Variants in TMEM181 observed in about 807,000 individuals in gnomAD.
The protein encoded by TMEM181 is transmembrane protein 181, also known as G protein-coupled receptor 178.
A neutral mutation model predicts 71.9 loss-of-function variants in TMEM181; 39 were observed. The ratio of observed to expected loss-of-function variants is 0.54; its 90% CI spans 0.42 to 0.71. TMEM181 has a LOEUF of 0.71. Ranked by LOEUF, TMEM181 falls within the 30% of genes least tolerant of loss-of-function variation. The pLI is 0.00. For missense variants in TMEM181, 595 were observed against 583.0 expected, an observed-to-expected ratio of 1.02 and a Z score of -0.21; for synonymous variants, 245 against 228.8, an observed-to-expected ratio of 1.07 and a Z score of -0.64.
intron 1 of TMEM181, among the ~76,000 whole-genome samples, chr6:158,549,212 G>C (rs559922123): frequency 2.0e-5 from 3 of 150,806 alleles, no homozygotes; most frequent in South Asian, 2.1e-4. Flanking sequence ...CCGCCTCCCG[G>C]GTTCAAGCAA....
In TMEM181 at chr6:158,608,335, C is replaced by A; in HGVS notation, c.676C>A (p.Pro226Thr). ...GATTTCTGCCCTTTGTGTTCCAGAT[C>A]CGTTCTTCCCCCTCTCCTTCCTGGT... ...LLPLLLLYND[P>T]FFPLSFLVNS... The change falls in exon 9 of 17, where the codon CCG becomes ACG. Residue 226 changes from proline to threonine, a missense_variant and splice_region_variant. Coordinates refer to ENST00000684151, the MANE Select transcript of TMEM181 (RefSeq NM_001376852.1). 1 of 1,614,192 alleles carries A rather than the reference C, an allele frequency of 6.2e-7. No homozygotes were observed. The highest frequency in any genetic ancestry group is 8.5e-7 in the Non-Finnish European group (1 of 1,180,020).
chr6:158,554,096 A>ATTTTG (rs1554301307), intron 1 of TMEM181, among the ~76,000 whole-genome samples: 1 of 135,494 alleles, frequency 7.4e-6, no homozygotes, highest in Non-Finnish European at 1.6e-5. Context: ...ATTTTATTTT[A>ATTTTG]TTTTTTGAGA....
chr6:158,570,817 A>T (rs1464569090), intron 1 of TMEM181, among the ~76,000 whole-genome samples: 1 of 151,844 alleles, frequency 6.6e-6, no homozygotes, highest in Non-Finnish European at 1.5e-5. Flanking sequence ...TTTCCCCACC[A>T]TCTAGTCCAT....
chr6:158,621,953 G>A (rs553748660), intron 10 of TMEM181, among the ~76,000 whole-genome samples: 7 of 152,212 alleles, frequency 4.6e-5, no homozygotes, highest in East Asian at 3.9e-4. Context: ...CCCGCAGCTC[G>A]CCCACCTGCC....
chr6:158,558,850 T>C (rs970356869), upstream of TMEM181, among the ~76,000 whole-genome samples: 3 of 152,134 alleles, frequency 2.0e-5, no homozygotes, highest in Non-Finnish European at 4.4e-5. Flanking sequence ...CTCTAGCTCA[T>C]AGAACTCCCT....
chr6:158,583,081 A>T (rs1315157458), intron 3 of TMEM181, among the ~76,000 whole-genome samples: 1 of 151,958 alleles, frequency 6.6e-6, no homozygotes, highest in Non-Finnish European at 1.5e-5. Flanking sequence ...AGAAATAGAA[A>T]AATTAGCTGG....
intron 2 of TMEM181, among the ~76,000 whole-genome samples, chr6:158,578,553 G>C (rs1783291508): frequency 6.6e-6 from 1 of 152,118 alleles, no homozygotes; most frequent in African/African-American, 2.4e-5. Flanking sequence ...TGTCACAATT[G>C]TGACAGCAGT....
chr6:158,623,465 AAAAC>A (rs1483560494), intron 10 of TMEM181, 81 bp from the exon 11 acceptor site: 7 of 1,002,568 alleles, frequency 7.0e-6, no homozygotes, highest in South Asian at 1.9e-5. Flanking sequence ...ATAAGTAAAA[AAAAC>A]AAAAAGTCAA....
At chr6:158,581,149 A>G (rs1168507959) in intron 3 of TMEM181, among the ~76,000 whole-genome samples, 154 bp downstream of exon 3, 2 of 152,212 alleles carry the variant, frequency 1.3e-5, no homozygotes, top group African/African-American at 4.8e-5. Context: ...AGCTGCTGGC[A>G]TCTGGGTTCT....
chr6:158,553,408 T>C lies in TMEM181; in HGVS notation c.131+16543T>C, dbSNP rs1214206106. On this transcript the variant is annotated intron_variant, in intron 1 of 16. Transcript: ENST00000367090. The stretch of plus-strand genomic sequence containing the variant: ...CAAAGCTAGTCATCAGTTATTTCTC[T>C]GTTAACCATTTTTATAGCCTGTGCA... Among the ~76,000 whole-genome samples the C allele has an allele frequency of 2.0e-5, 3 of 152,358 alleles. No individual in the cohort carries two copies. In the East Asian group the frequency reaches 5.8e-4, roughly 29 times the overall value.
exon 1 of TMEM181, chr6:158,536,843 T>G: frequency 6.7e-7 from 1 of 1,499,470 alleles, no homozygotes; most frequent in Non-Finnish European, 8.9e-7. Flanking sequence ...CCTCACGCCC[T>G]TCAAGGATGA....
chr6:158,592,000 C>T (rs561099046), intron 6 of TMEM181, among the ~76,000 whole-genome samples: 3 of 152,284 alleles, frequency 2.0e-5, no homozygotes, highest in East Asian at 1.9e-4. Flanking sequence ...GTTCAAAAGA[C>T]GTTACCATGG....
intron 10 of TMEM181, among the ~76,000 whole-genome samples, chr6:158,615,094 A>G (rs1350252269): frequency 6.6e-6 from 1 of 152,114 alleles, no homozygotes; most frequent in Non-Finnish European, 1.5e-5. Context: ...ACTAGTTTAC[A>G]CTCCCACCAA....
intron 1 of TMEM181, among the ~76,000 whole-genome samples, chr6:158,544,182 A>AGAGAGAGAGTGTGTGTGTGTGT (rs149735409): frequency 0.035 from 4,437 of 127,534 alleles, 145 homozygotes; most frequent in Non-Finnish European, 0.045. Context: ...AATTGGAGAG[A>AGAGAGAGAGTGTGTGTGTGTGT]GTGTGTGTGT....
intron 6 of TMEM181, among the ~76,000 whole-genome samples, chr6:158,591,860 CTA>C (rs1241194781): frequency 2.6e-5 from 4 of 152,046 alleles, no homozygotes; most frequent in African/African-American, 9.7e-5. Flanking sequence ...TCTTTTGTAT[CTA>C]TGTTTCCTCT....
upstream of TMEM181, among the ~76,000 whole-genome samples, chr6:158,558,603 C>T (rs1438617131): frequency 1.3e-5 from 2 of 152,220 alleles, no homozygotes; most frequent in Non-Finnish European, 2.9e-5. Flanking sequence ...GACAGAAGCT[C>T]ACTGGCTGTG....
At chr6:158,544,182 A>AGAGTGTGTGTGTGTGT (rs149735409) in intron 1 of TMEM181, among the ~76,000 whole-genome samples, 32 of 127,558 alleles carry the variant, frequency 2.5e-4, no homozygotes, top group African/African-American at 8.5e-4. Context: ...AATTGGAGAG[A>AGAGTGTGTGTGTGTGT]GTGTGTGTGT....
intron 14 of TMEM181, among the ~76,000 whole-genome samples, chr6:158,628,931 C>T (rs1033693077): frequency 1.3e-5 from 2 of 152,228 alleles, no homozygotes; most frequent in African/African-American, 4.8e-5. Context: ...CTCCTGTCTC[C>T]CCCCGGGATA....
intron 1 of TMEM181, among the ~76,000 whole-genome samples, chr6:158,569,017 C>G (rs1301408698): frequency 1.3e-5 from 2 of 152,132 alleles, no homozygotes; most frequent in African/African-American, 2.4e-5. Context: ...CGCCCTGTTA[C>G]CCAGGCTGAG....
Sources: gnomAD v4.1 joint callset for allele counts (sites outside exome capture counted in the v4.1 genomes callset) on GRCh38, gnomAD v4.1.1 for gene constraint, MANE v1.5 for transcripts, NCBI Gene and HGNC (gene_info 2026-07-23, HGNC 2026-07-21) for gene names.